Variants in ZEB1 observed in about 807,000 individuals in gnomAD.
The protein encoded by ZEB1 is zinc finger E-box-binding homeobox 1.
A neutral mutation model predicts 84.9 loss-of-function variants in ZEB1; 21 were observed. That is an observed-to-expected ratio of 0.25 (90% CI 0.18 to 0.36). ZEB1 has a LOEUF of 0.36. Among genes scored for constraint, ZEB1 ranks in the 10% least tolerant of loss-of-function variants. The pLI, the probability that ZEB1 is intolerant of heterozygous loss-of-function variation, is 1.00. For missense variants in ZEB1, 1,104 were observed against 1,330.2 expected, an observed-to-expected ratio of 0.83 and a Z score of 2.65; for synonymous variants, 420 against 471.1, an observed-to-expected ratio of 0.89 and a Z score of 1.41.
chr10:31,526,806 G>A lies in ZEB1; in HGVS notation c.2920G>A (p.Gly974Arg), dbSNP rs1324134113. Reference sequence around the variant, plus strand: ...ATGTGGAAAGCGCTTCTCACACTCTGGGTCTTATTCTCAACACATGAATCA... The same window carrying A: ...ATGTGGAAAGCGCTTCTCACACTCTAGGTCTTATTCTCAACACATGAATCA... Reference protein sequence around the residue: ...DKCGKRFSHSGSYSQHMNHRY... With the variant: ...DKCGKRFSHSRSYSQHMNHRY... The change falls in exon 9 of 9, where the codon GGG becomes AGG. Residue 974 changes from glycine to arginine, a missense_variant. This residue lies in a region of ZEB1 where 53 missense variants were observed against 92.5 expected (regional missense o/e 0.57). Transcript: ENST00000424869. The A allele has an allele frequency of 6.2e-7, 1 of 1,614,134 alleles. No individual in the cohort carries two copies. Among genetic ancestry groups the A allele is most frequent in the Non-Finnish European group, 8.5e-7 (1 of 1,180,018 alleles).
At chr10:31,510,589 G>A in intron 4 of ZEB1, 84 bp from the exon 5 acceptor site, 1 of 1,105,334 alleles carries the variant, frequency 9.0e-7, no homozygotes, top group Admixed American at 1.9e-5. Context: ...ACAATATCTG[G>A]AACATAGCAT....
intron 2 of ZEB1, among the ~76,000 whole-genome samples, chr10:31,488,537 A>C (rs1489829825): frequency 1.4e-5 from 2 of 144,310 alleles, no homozygotes; most frequent in East Asian, 4.1e-4. Context: ...TTTTAATTTT[A>C]TTGCTTTTTG....
chr10:31,524,072 A>G lies in ZEB1; in HGVS notation c.2744A>G (p.Gln915Arg), dbSNP rs764981454. ...TGTGATTTGTGTGACAAGATATTCC[A>G]AAAGAGTAGTTCATTATTGAGACAT... ...YACDLCDKIF[Q>R]KSSSLLRHKY... Residue 915 changes from glutamine to arginine, a missense_variant, in exon 8 of 9, where the codon CAA (glutamine) becomes CGA (arginine). Coordinates refer to ENST00000424869, the MANE Select transcript of ZEB1 (RefSeq NM_001174096.2). The G allele has an allele frequency of 6.2e-7, 1 of 1,614,020 alleles. No homozygotes were observed. The highest frequency in any genetic ancestry group is 1.7e-5 in the Admixed American group (1 of 60,024).
intron 1 of ZEB1, among the ~76,000 whole-genome samples, chr10:31,325,563 G>A (rs958101960): frequency 6.6e-6 from 1 of 151,880 alleles, no homozygotes; most frequent in Admixed American, 6.6e-5. Context: ...TGGCAACCTG[G>A]GAAAACCTTC....
At chr10:31,337,972 C>T (rs991748891) in intron 1 of ZEB1, among the ~76,000 whole-genome samples, 14 of 152,036 alleles carry the variant, frequency 9.2e-5, no homozygotes, top group African/African-American at 3.1e-4. Context: ...CATGAGACAC[C>T]GCGCCCGGCC....
At chr10:31,344,725 A>G (rs1047956980) in intron 1 of ZEB1, among the ~76,000 whole-genome samples, 1 of 152,090 alleles carries the variant, frequency 6.6e-6, no homozygotes, top group Non-Finnish European at 1.5e-5. Flanking sequence ...GAGTGAAAAG[A>G]TCCTTACCTC....
intron 1 of ZEB1, among the ~76,000 whole-genome samples, chr10:31,338,548 CAG>C (rs1324881138): frequency 5.9e-5 from 9 of 152,232 alleles, no homozygotes; most frequent in Non-Finnish European, 4.4e-5. Context: ...CTTTAATAAA[CAG>C]GGTACTATTT....
intron 1 of ZEB1, among the ~76,000 whole-genome samples, chr10:31,400,991 T>G (rs543502096): frequency 6.6e-6 from 1 of 152,352 alleles, no homozygotes; most frequent in South Asian, 2.1e-4. Context: ...ATCTTGCTGA[T>G]GTATCATTAT....
chr10:31,365,535 T>C (rs2044298469), intron 1 of ZEB1, among the ~76,000 whole-genome samples: 1 of 152,218 alleles, frequency 6.6e-6, no homozygotes, highest in Non-Finnish European at 1.5e-5. Flanking sequence ...ATTTAATCCA[T>C]TCACAGGTCA....
chr10:31,502,811 C>T (rs2068351062), intron 4 of ZEB1, among the ~76,000 whole-genome samples: 1 of 152,130 alleles, frequency 6.6e-6, no homozygotes. Context: ...AGAACTATAC[C>T]TTTACTGCCC....
chr10:31,319,387 C>A (rs937972932), intron 1 of ZEB1, 95 bp downstream of exon 1: 13 of 1,258,386 alleles, frequency 1.0e-5, no homozygotes, highest in African/African-American at 1.5e-5. Context: ...GGGCTGGGGG[C>A]AGCCGGGGCA....
chr10:31,420,707 T>C (rs970629674), intron 1 of ZEB1, among the ~76,000 whole-genome samples: 16 of 152,148 alleles, frequency 1.1e-4, no homozygotes, highest in African/African-American at 3.6e-4. Context: ...GTCCTACTTA[T>C]ACTCAAGGGA....
At chr10:31,328,412 C>T (rs548131562) in intron 1 of ZEB1, among the ~76,000 whole-genome samples, 1 of 152,240 alleles carries the variant, frequency 6.6e-6, no homozygotes, top group East Asian at 1.9e-4. Context: ...GTGCCTAATA[C>T]ATGTTTTAAG....
At chr10:31,501,675 TTAAA>T (rs1158470499) in intron 3 of ZEB1, among the ~76,000 whole-genome samples, 1 of 152,166 alleles carries the variant, frequency 6.6e-6, no homozygotes, top group African/African-American at 2.4e-5. Context: ...ATTGAGTGTC[TTAAA>T]TAAATACTTA....
intron 1 of ZEB1, among the ~76,000 whole-genome samples, chr10:31,419,929 G>T (rs531436487): frequency 2.0e-5 from 3 of 152,246 alleles, no homozygotes; most frequent in African/African-American, 7.2e-5. Flanking sequence ...TACCTCCGAA[G>T]TAGTATGTCT....
intron 2 of ZEB1, among the ~76,000 whole-genome samples, chr10:31,462,322 C>T (rs761786237): frequency 1.8e-4 from 28 of 152,202 alleles, no homozygotes; most frequent in Admixed American, 3.9e-4. Flanking sequence ...TTTGTCCATT[C>T]AGCAACCTCT....
At chr10:31,323,614 T>C (rs183411313) in intron 1 of ZEB1, among the ~76,000 whole-genome samples, 38 of 152,242 alleles carry the variant, frequency 2.5e-4, no homozygotes, top group Non-Finnish European at 3.5e-4. Context: ...TTTGAGATCT[T>C]ATATGCAGTA....
rs895088504 is a variant in ZEB1 at position 31,440,834 on chromosome 10, A to G, written c.59-20203A>G. ...GCTTCAAAGAGAATAAAATACCTAG[A>G]AATCCAACTTACAAGGGACGTGAAG... On this transcript the variant is annotated intron_variant, in intron 1 of 8. Transcript: ENST00000424869. Among the ~76,000 whole-genome samples the G allele has an allele frequency of 2.1e-4, 32 of 152,088 alleles. 1 individual carries two copies. The highest frequency in any genetic ancestry group is 3.5e-4 in the Non-Finnish European group (24 of 68,002).
At chr10:31,494,265 T>G (rs2066930654) in intron 2 of ZEB1, among the ~76,000 whole-genome samples, 1 of 152,004 alleles carries the variant, frequency 6.6e-6, no homozygotes, top group South Asian at 2.1e-4. Flanking sequence ...TACCAAGAAT[T>G]TTTAAACTGT....
Sources: allele counts gnomAD v4.1 joint callset (sites outside exome capture counted in the v4.1 genomes callset), GRCh38; gene constraint gnomAD v4.1.1; regional missense constraint gnomAD v4.1.1; transcripts MANE v1.5; gene names NCBI Gene and HGNC (gene_info 2026-07-23, HGNC 2026-07-21).